SLC6A17: variants seen among roughly 807,000 people sequenced by gnomAD.
SLC6A17 encodes the protein solute carrier family 6 member 17.
Under a neutral mutation model 64.5 loss-of-function variants are expected in SLC6A17, and 21 were observed. That is an observed-to-expected ratio of 0.33 (90% CI 0.23 to 0.47). The LOEUF (loss-of-function observed/expected upper bound fraction) is 0.47, where lower values mean the gene tolerates loss of function less well. SLC6A17 is among the 20% of genes least tolerant of loss of function. SLC6A17 has a pLI of 1.00. For missense variants in SLC6A17, 682 were observed against 963.2 expected (o/e 0.71, Z 3.86); for synonymous variants, 372 against 399.5 (o/e 0.93, Z 0.82).
At chr1:110,157,503 G>A (rs889343593) in intron 1 of SLC6A17, among the ~76,000 whole-genome samples, 2 of 152,142 alleles carry the variant, frequency 1.3e-5, no homozygotes, top group African/African-American at 4.8e-5. Flanking sequence ...AACCCGGGAG[G>A]TGGAGGTTGC....
intron 2 of SLC6A17, among the ~76,000 whole-genome samples, chr1:110,169,268 T>A (rs745807315): frequency 3.9e-5 from 6 of 152,202 alleles, no homozygotes; most frequent in Non-Finnish European, 8.8e-5. Flanking sequence ...TTTATTTTTA[T>A]GAGAAAAAGG....
chr1:110,153,519 A>ATTGTGTGTGTGTGTGTGTG (rs1655662222), intron 1 of SLC6A17, among the ~76,000 whole-genome samples: 1 of 137,228 alleles, frequency 7.3e-6, no homozygotes, highest in African/African-American at 2.7e-5. Context: ...GCTACTGGAA[A>ATTGTGTGTGTGTGTGTGTG]TGTGTGTGTG....
chr1:110,169,995 A>G (rs1229986181), intron 2 of SLC6A17, among the ~76,000 whole-genome samples: 2 of 152,192 alleles, frequency 1.3e-5, no homozygotes, highest in Non-Finnish European at 2.9e-5. Context: ...CAGAGCCTGG[A>G]TGGTGAGGGG....
At chr1:110,159,921 T>A (rs1192715593) in intron 1 of SLC6A17, among the ~76,000 whole-genome samples, 1 of 152,212 alleles carries the variant, frequency 6.6e-6, no homozygotes, top group African/African-American at 2.4e-5. Flanking sequence ...ATATTTATCA[T>A]GCTCATATTA....
intron 6 of SLC6A17, among the ~76,000 whole-genome samples, chr1:110,180,911 G>A (rs1436813760): frequency 6.6e-6 from 1 of 152,144 alleles, no homozygotes; most frequent in Non-Finnish European, 1.5e-5. Context: ...AAATGACCTG[G>A]AAGGCCTTCC....
intron 1 of SLC6A17, among the ~76,000 whole-genome samples, chr1:110,156,065 T>A (rs1422642747): frequency 2.6e-5 from 4 of 152,212 alleles, no homozygotes; most frequent in Non-Finnish European, 4.4e-5. Context: ...CTGCGCAACC[T>A]GGGGCTGGCT....
intron 5 of SLC6A17, among the ~76,000 whole-genome samples, chr1:110,176,210 A>C (rs974036633): frequency 6.6e-6 from 1 of 152,034 alleles, no homozygotes; most frequent in Non-Finnish European, 1.5e-5. Context: ...TCTGTTTGGG[A>C]GCCGTGTCTA....
At chr1:110,175,190 C>T (rs936238597) in intron 5 of SLC6A17, among the ~76,000 whole-genome samples, 18 of 152,184 alleles carry the variant, frequency 1.2e-4, no homozygotes, top group Non-Finnish European at 5.9e-5. Flanking sequence ...TGCTTCCATG[C>T]TCAGATAACT....
chr1:110,184,077 G>A (rs1410923818), intron 6 of SLC6A17, among the ~76,000 whole-genome samples: 1 of 152,182 alleles, frequency 6.6e-6, no homozygotes, highest in East Asian at 1.9e-4. Flanking sequence ...TGTTTCCGAC[G>A]ATCAGTGAGG....
At position 110,199,586 on chromosome 1, in the gene SLC6A17, A is replaced by G. The variant is rs1467974073; in HGVS notation, c.*1142A>G. ...AGCACAGCCGCCCAGTGTGCACATCATGTGCAGACACCTTGGAAACCTTTC... is the reference window on the plus strand; with the variant it reads ...AGCACAGCCGCCCAGTGTGCACATCGTGTGCAGACACCTTGGAAACCTTTC... On this transcript the variant is annotated 3_prime_UTR_variant, in exon 12 of 12. Coordinates refer to ENST00000331565, the MANE Select transcript of SLC6A17 (RefSeq NM_001010898.4). 1 of 183,444 alleles carries G rather than the reference A, an allele frequency of 5.5e-6. No individual in the cohort carries two copies. The highest frequency in any genetic ancestry group is 2.3e-5 in the African/African-American group (1 of 42,788). 11.4% of individuals were successfully genotyped at this position (183,444 alleles called of 1,614,324 possible).
chr1:110,174,853 T>C lies in SLC6A17; in HGVS notation c.646T>C (p.Ser216Pro). 1.2e-6 allele frequency: 2 copies of C among 1,614,188 alleles called. No homozygotes were observed. Among genetic ancestry groups the C allele is most frequent in the Non-Finnish European group, 1.7e-6 (2 of 1,180,030 alleles). The change falls in exon 5 of 12, where the codon TCC becomes CCC. Residue 216 changes from serine to proline, a missense_variant. Coordinates refer to ENST00000331565, the MANE Select transcript of SLC6A17 (RefSeq NM_001010898.4). ...WYREALDISD[S>P]ISESGGLNWK... ...CCGAGAGGCCTTGGACATCTCTGAC[T>C]CCATCTCGGAGAGTGGGGGCCTCAA...
rs771431886 is a variant in SLC6A17, at chr1:110,167,109, G to A, written c.180G>A (p.Arg60=). 4 of 1,612,874 alleles carry A rather than the reference G, an allele frequency of 2.5e-6. No homozygotes were observed. Among genetic ancestry groups the A allele is most frequent in the Non-Finnish European group, 3.4e-6 (4 of 1,179,704 alleles). ...AGGAGGAGCTGGATGCAGAGGACCG[G>A]CCGGCCTGGAACAGTAAGCTGCAGT... The part of the protein sequence containing the change: ...AVEEELDAED[R]PAWNSKLQYI... Residue 60 remains arginine (R), a synonymous_variant, in exon 2 of 12, where the codon CGG becomes CGA. Coordinates refer to ENST00000331565, the MANE Select transcript of SLC6A17 (RefSeq NM_001010898.4).
rs189824811 is a variant in SLC6A17 at position 110,192,284 on chromosome 1, G to T, written c.1106+71G>T. On this transcript the variant is annotated intron_variant, in intron 7 of 11. Coordinates refer to ENST00000331565, the MANE Select transcript of SLC6A17 (RefSeq NM_001010898.4). The surrounding 1 kb of genome is among the most constrained non-coding windows in gnomAD (Gnocchi z 4.3). ...TACCTGGGAGTGGGCAGGGGTGGGG[G>T]CGCAGGTGTGCATGGGGAGAGAGGT... 1.8e-4 allele frequency: 277 copies of T among 1,559,180 alleles called. 1 individual carries two copies. Among genetic ancestry groups the T allele is most frequent in the Non-Finnish European group, 2.1e-4 (241 of 1,149,214 alleles).
intron 6 of SLC6A17, among the ~76,000 whole-genome samples, chr1:110,187,258 C>T (rs889494119): frequency 5.3e-5 from 8 of 152,120 alleles, no homozygotes; most frequent in African/African-American, 9.7e-5. Flanking sequence ...GGCAGCCTTC[C>T]GAGCCAGAGT....
Position 110,201,796 on chromosome 1 carries a change from C to T in SLC6A17, c.*3352C>T, listed in dbSNP as rs967364329. ...GCTGCTTTTCTGCCCTTCCTCACCC[C>T]CACGCCCCACCCCACTCCCCCAGAG... On this transcript the variant is annotated 3_prime_UTR_variant, in exon 12 of 12. Transcript: ENST00000331565. 3 of 152,270 alleles carry T rather than the reference C, an allele frequency of 2.0e-5. No individual in the cohort carries two copies. The highest frequency in any genetic ancestry group is 7.2e-5 in the African/African-American group (3 of 41,384). The allele number at this position is 152,270 out of a possible 1,614,324, so 9.4% of individuals were successfully genotyped here. A position where few individuals can be genotyped will look rare whatever the true frequency, so the allele number is the denominator to read the frequency against.
rs2784142 is a variant in SLC6A17 at position 110,200,370 on chromosome 1, T to G, written c.*1926T>G. 143,044 of 336,122 alleles carry G rather than the reference T, an allele frequency of 0.43. 32,807 individuals are homozygous for G. Among genetic ancestry groups the G allele is most frequent in the Non-Finnish European group, 0.49 (92,512 of 187,096 alleles). 20.8% of individuals were successfully genotyped at this position (336,122 alleles called of 1,614,324 possible). A position where few individuals can be genotyped will look rare whatever the true frequency, so the allele number is the denominator to read the frequency against. On this transcript the variant is annotated 3_prime_UTR_variant, in exon 12 of 12. Transcript: ENST00000331565. ...TTTGGGGCACAACATCCCACCGCAG[T>G]CCCCCTCACCCGACAACACCTCCTA...
Position 110,195,739 on chromosome 1 carries a change from C to T in SLC6A17, c.1646C>T (p.Thr549Ile). ...ENIAVAWIYG[T>I]KKFMQELTEM... ...ATCGCTGTGGCCTGGATTTATGGAA[C>T]CAAGAAGTAAGAGGAACATGGGGGA... The change falls in exon 10 of 12, where the codon ACC (threonine) becomes ATC (isoleucine). Residue 549 changes from threonine (T) to isoleucine (I), a missense_variant. Transcript: ENST00000331565. 2 of 1,614,064 alleles carry T rather than the reference C, an allele frequency of 1.2e-6. No homozygotes were observed. The highest frequency in any genetic ancestry group is 1.7e-6 in the Non-Finnish European group (2 of 1,179,984).
intron 2 of SLC6A17, among the ~76,000 whole-genome samples, chr1:110,171,747 T>C (rs1372496905): frequency 6.6e-6 from 1 of 152,080 alleles, no homozygotes; most frequent in Non-Finnish European, 1.5e-5. Context: ...GCGTGTGGCT[T>C]GACATGTGGA....
chr1:110,171,339 C>T (rs1352580996), intron 2 of SLC6A17, among the ~76,000 whole-genome samples: 1 of 152,170 alleles, frequency 6.6e-6, no homozygotes, highest in Non-Finnish European at 1.5e-5. Context: ...TGCTAAATGC[C>T]CTGTCACTTG....
Sources: allele counts gnomAD v4.1 joint callset (sites outside exome capture counted in the v4.1 genomes callset), GRCh38; gene constraint gnomAD v4.1.1; non-coding constraint Gnocchi (gnomAD v3.1); transcripts MANE v1.5; gene names NCBI Gene and HGNC (gene_info 2026-07-23, HGNC 2026-07-21).